TAFA4: variants seen among roughly 807,000 people sequenced by gnomAD.
TAFA4 encodes the protein TAFA chemokine like family member 4.
In TAFA4, 20 loss-of-function variants were observed where a neutral mutation model predicts 21.1. That is an observed-to-expected ratio of 0.95 (90% CI 0.67 to 1.38). The LOEUF is 1.38. Ranked by LOEUF, TAFA4 falls within the 40% of genes most tolerant of loss-of-function variation. The pLI is 0.00. For missense variants in TAFA4, 211 were observed against 180.9 expected, an observed-to-expected ratio of 1.17 and a Z score of -0.95; for synonymous variants, 71 against 67.4, an observed-to-expected ratio of 1.05 and a Z score of -0.26.
At chr3:68,766,349 A>G (rs918062071) in intron 3 of TAFA4, among the ~76,000 whole-genome samples, 2 of 152,152 alleles carry the variant, frequency 1.3e-5, no homozygotes, top group African/African-American at 4.8e-5. Flanking sequence ...TCATAAGGTC[A>G]TCGTCAAATA....
chr3:68,896,735 A>G (rs1393725505), intron 1 of TAFA4, among the ~76,000 whole-genome samples: 1 of 152,220 alleles, frequency 6.6e-6, no homozygotes, highest in East Asian at 1.9e-4. Flanking sequence ...TGTGAAGCCC[A>G]GGCCTCTAAA....
chr3:68,903,434 C>T (rs1323083938), intron 1 of TAFA4, among the ~76,000 whole-genome samples: 1 of 152,214 alleles, frequency 6.6e-6, no homozygotes, highest in Non-Finnish European at 1.5e-5. Flanking sequence ...TAGGTACTTT[C>T]AAATCTCATT....
intron 5 of TAFA4, among the ~76,000 whole-genome samples, chr3:68,737,938 A>T (rs1405050960): frequency 6.6e-6 from 1 of 152,218 alleles, no homozygotes; most frequent in African/African-American, 2.4e-5. Flanking sequence ...GTCATTTTTC[A>T]TTCAAGAAAT....
chr3:68,737,603 A>C (rs1259446394), intron 5 of TAFA4, among the ~76,000 whole-genome samples: 2 of 152,192 alleles, frequency 1.3e-5, no homozygotes, highest in African/African-American at 4.8e-5. Context: ...CCCATTTAAA[A>C]TGTATTGTAG....
At chr3:68,783,822 T>C (rs989443294) in intron 3 of TAFA4, among the ~76,000 whole-genome samples, 2 of 152,118 alleles carry the variant, frequency 1.3e-5, no homozygotes, top group Non-Finnish European at 1.5e-5. Flanking sequence ...ACAGGTGTGA[T>C]TGTCACTAAA....
intron 2 of TAFA4, among the ~76,000 whole-genome samples, chr3:68,884,669 G>A (rs1210024142): frequency 6.6e-6 from 1 of 152,226 alleles, no homozygotes; most frequent in Non-Finnish European, 1.5e-5. Context: ...AAAGCCAGCA[G>A]AATGGTTTCT....
In TAFA4 at chr3:68,751,195, G is replaced by A. The variant is rs142426302; in HGVS notation, c.286+1668C>T. ...GGTAGAGTACTTGAAAGAGAACTGA[G>A]ACACAGATCTTGCAGGGCTCGGCAA... On this transcript the variant is annotated intron_variant, in intron 4 of 5. Coordinates refer to ENST00000295569, the MANE Select transcript of TAFA4 (RefSeq NM_182522.5). 1.2e-4 allele frequency among the ~76,000 whole-genome samples: 18 copies of A among 152,312 alleles called. No individual in the cohort carries two copies. The East Asian group carries it at 3.1e-3, about 26-fold the overall frequency.
chr3:68,919,117 A>G (rs2090033086), intron 1 of TAFA4, among the ~76,000 whole-genome samples: 1 of 152,186 alleles, frequency 6.6e-6, no homozygotes, highest in South Asian at 2.1e-4. Context: ...CAATTTTTAA[A>G]AAACATCTTG....
chr3:68,743,800 T>C (rs1333097743), intron 4 of TAFA4, among the ~76,000 whole-genome samples: 3 of 152,078 alleles, frequency 2.0e-5, no homozygotes, highest in Non-Finnish European at 4.4e-5. Context: ...TGGAGGGTGG[T>C]ACTAGAATCT....
At chr3:68,807,217 A>G (rs763044708) in intron 3 of TAFA4, among the ~76,000 whole-genome samples, 1 of 152,164 alleles carries the variant, frequency 6.6e-6, no homozygotes, top group Non-Finnish European at 1.5e-5. Flanking sequence ...AAACCTCACC[A>G]TGTTGGGTTT....
At chr3:68,814,201 G>T (rs1272016796) in intron 3 of TAFA4, among the ~76,000 whole-genome samples, 3 of 152,058 alleles carry the variant, frequency 2.0e-5, no homozygotes, top group Non-Finnish European at 4.4e-5. Flanking sequence ...CAAACCCACA[G>T]CCAATATCAT....
chr3:68,920,018 A>G (rs1251735989), intron 1 of TAFA4, among the ~76,000 whole-genome samples: 2 of 152,234 alleles, frequency 1.3e-5, no homozygotes, highest in Non-Finnish European at 2.9e-5. Context: ...TAAACACCAC[A>G]TCTCAGTTAA....
At chr3:68,867,724 C>T (rs1401325254) in intron 3 of TAFA4, among the ~76,000 whole-genome samples, 1 of 151,946 alleles carries the variant, frequency 6.6e-6, no homozygotes, top group East Asian at 1.9e-4. Flanking sequence ...TTTTGTTTTT[C>T]ATTTGTTTGT....
intron 1 of TAFA4, among the ~76,000 whole-genome samples, chr3:68,920,797 A>G (rs1195604419): frequency 6.6e-6 from 1 of 152,200 alleles, no homozygotes; most frequent in East Asian, 1.9e-4. Flanking sequence ...GCCAGCAGAC[A>G]GTACCACCCA....
chr3:68,754,501 C>G (rs762188826), intron 3 of TAFA4, among the ~76,000 whole-genome samples: 5 of 152,100 alleles, frequency 3.3e-5, no homozygotes, highest in African/African-American at 4.8e-5. Flanking sequence ...GCAGATTGTC[C>G]CAGAAGTGAT....
chr3:68,849,615 A>C (rs1296795032), intron 3 of TAFA4, among the ~76,000 whole-genome samples: 3 of 152,196 alleles, frequency 2.0e-5, no homozygotes, highest in Non-Finnish European at 4.4e-5. Context: ...ATCACCAAGC[A>C]ACCCAGTCCC....
chr3:68,833,512 A>T (rs1704450945), intron 3 of TAFA4, among the ~76,000 whole-genome samples: 1 of 152,192 alleles, frequency 6.6e-6, no homozygotes, highest in South Asian at 2.1e-4. Flanking sequence ...ACCAATATAA[A>T]GATTATTTTG....
chr3:68,795,650 C>T (rs972300489), intron 3 of TAFA4, among the ~76,000 whole-genome samples: 1 of 152,116 alleles, frequency 6.6e-6, no homozygotes, highest in African/African-American at 2.4e-5. Flanking sequence ...AAAATAAATA[C>T]AAAATCCAGA....
At chr3:68,830,540 G>A (rs1274129079) in intron 3 of TAFA4, among the ~76,000 whole-genome samples, 2 of 152,150 alleles carry the variant, frequency 1.3e-5, no homozygotes, top group African/African-American at 4.8e-5. Context: ...TGATTGCACT[G>A]TGGTCTGAGA....
Sources: gnomAD v4.1 joint callset for allele counts (sites outside exome capture counted in the v4.1 genomes callset) on GRCh38, gnomAD v4.1.1 for gene constraint, MANE v1.5 for transcripts, NCBI Gene and HGNC (gene_info 2026-07-23, HGNC 2026-07-21) for gene names.